CYTH1: variants seen among roughly 807,000 people sequenced by gnomAD.
The protein encoded by CYTH1 is cytohesin 1.
A neutral mutation model predicts 61.8 loss-of-function variants in CYTH1; 18 were observed. That is an observed-to-expected ratio of 0.29 (90% CI 0.20 to 0.43). The LOEUF (loss-of-function observed/expected upper bound fraction) is 0.43, where lower values mean the gene tolerates loss of function less well. CYTH1 is among the 20% of genes least tolerant of loss of function. CYTH1 has a pLI of 1.00. For missense variants in CYTH1, 336 were observed against 510.5 expected (o/e 0.66, Z 3.29); for synonymous variants, 174 against 184.3 (o/e 0.94, Z 0.45).
At chr17:78,782,064 C>T (rs1397347690) in intron 1 of CYTH1, 138 bp downstream of exon 1, 3 of 775,522 alleles carry the variant, frequency 3.9e-6, no homozygotes, top group Admixed American at 5.2e-5. Flanking sequence ...ACCGCTCGCC[C>T]GCCGGTCGCC....
At chr17:78,684,335 C>T (rs2092794966) in intron 11 of CYTH1, among the ~76,000 whole-genome samples, 1 of 152,190 alleles carries the variant, frequency 6.6e-6, no homozygotes, top group South Asian at 2.1e-4. Flanking sequence ...AACAACTAAA[C>T]GTTAAGCTGC....
At chr17:78,757,216 G>A (rs576066181) in intron 1 of CYTH1, among the ~76,000 whole-genome samples, 193 of 151,986 alleles carry the variant, frequency 1.3e-3, no homozygotes, top group African/African-American at 4.6e-3. Context: ...CCAAAGTGCT[G>A]GGATTACAGG....
rs186320110 is a variant in CYTH1, at chr17:78,771,868, G to A, written c.22+10334C>T. On this transcript the variant is annotated intron_variant, in intron 1 of 13. Transcript: ENST00000446868. Reference sequence around the variant, plus strand: ...TAACCATCTCACTACCATAAAAGCAGAAATATACAATGTCACGCTATCCTG... The same window carrying A: ...TAACCATCTCACTACCATAAAAGCAAAAATATACAATGTCACGCTATCCTG... 5.9e-5 allele frequency among the ~76,000 whole-genome samples: 9 copies of A among 152,102 alleles called. No individual in the cohort carries two copies. The East Asian group carries it at 1.7e-3, about 29-fold the overall frequency.
At chr17:78,697,899 G>C (rs1422174725) in intron 9 of CYTH1, among the ~76,000 whole-genome samples, 2 of 152,324 alleles carry the variant, frequency 1.3e-5, no homozygotes, top group African/African-American at 4.8e-5. Context: ...ACCAATTCAA[G>C]GGTAAAAATG....
intron 1 of CYTH1, among the ~76,000 whole-genome samples, chr17:78,770,649 C>A (rs899404825): frequency 2.6e-5 from 4 of 152,114 alleles, no homozygotes; most frequent in Admixed American, 1.3e-4. Context: ...GATCTCTTGA[C>A]TTTGTGATCC....
chr17:78,711,209 C>G (rs1313508101), intron 1 of CYTH1, among the ~76,000 whole-genome samples: 2 of 151,222 alleles, frequency 1.3e-5, no homozygotes, highest in Admixed American at 1.3e-4. Flanking sequence ...TTGCAGTGAG[C>G]CGAGATCCCG....
intron 1 of CYTH1, among the ~76,000 whole-genome samples, chr17:78,756,639 T>C (rs1031702215): frequency 6.6e-6 from 1 of 152,168 alleles, no homozygotes; most frequent in African/African-American, 2.4e-5. Flanking sequence ...AATCTGTCTA[T>C]TCAGAACTAA....
chr17:78,684,159 GC>G (rs904543184), intron 11 of CYTH1, among the ~76,000 whole-genome samples: 15 of 152,044 alleles, frequency 9.9e-5, no homozygotes, highest in African/African-American at 2.7e-4. Flanking sequence ...ATCCTTCCTG[GC>G]CCCCCCTCTT....
chr17:78,701,996 CCA>C lies in CYTH1; in HGVS notation c.356+124_356+125del, dbSNP rs1598850581. On this transcript the variant is annotated intron_variant, in intron 5 of 13. Coordinates refer to ENST00000446868, the MANE Select transcript of CYTH1 (RefSeq NM_004762.6). ...TCCCCAGAAAAGCCTCCCCTCAACT[CCA>C]GTGGGGCTACAGATGCTTTAAGGCA... 7.8e-5 allele frequency: 66 copies of C among 844,298 alleles called. No individual in the cohort carries two copies. The East Asian group carries it at 1.6e-3, about 20-fold the overall frequency. 52.3% of individuals were successfully genotyped at this position (844,298 alleles called of 1,614,324 possible).
chr17:78,739,863 G>C (rs2093335204), intron 1 of CYTH1, among the ~76,000 whole-genome samples: 1 of 152,214 alleles, frequency 6.6e-6, no homozygotes, highest in South Asian at 2.1e-4. Flanking sequence ...GAGTCCACGT[G>C]AGGTGTAAAA....
At chr17:78,764,325 T>C (rs1485491641) in intron 1 of CYTH1, among the ~76,000 whole-genome samples, 1 of 150,962 alleles carries the variant, frequency 6.6e-6, no homozygotes, top group East Asian at 2.0e-4. Flanking sequence ...GCCTCCTGAG[T>C]AGCTGGGACT....
intron 1 of CYTH1, among the ~76,000 whole-genome samples, chr17:78,737,451 C>T (rs920511425): frequency 4.6e-5 from 7 of 151,980 alleles, no homozygotes; most frequent in East Asian, 1.9e-4. Context: ...CATGGAAAGC[C>T]GACTACATTT....
At chr17:78,742,337 G>T (rs1325352339) in intron 1 of CYTH1, among the ~76,000 whole-genome samples, 1 of 152,234 alleles carries the variant, frequency 6.6e-6, no homozygotes, top group African/African-American at 2.4e-5. Flanking sequence ...TGAGGTGAGA[G>T]GACTGACTGA....
Position 78,724,754 on chromosome 17 carries a change from C to T in CYTH1, c.23-15022G>A, listed in dbSNP as rs77069527. Among the ~76,000 whole-genome samples, 1,007 of 152,306 alleles carry T rather than the reference C, an allele frequency of 6.6e-3. 12 individuals carry two copies. Among genetic ancestry groups the T allele is most frequent in the African/African-American group, 0.022 (928 of 41,558 alleles). On this transcript the variant is annotated intron_variant, in intron 1 of 13. Coordinates refer to ENST00000446868, the MANE Select transcript of CYTH1 (RefSeq NM_004762.6). ...TAGGAAATCAGTCATGGAAGGCACC[C>T]GCCCCTCTGCAAGCCCTGCCTCCAC...
At position 78,698,958 on chromosome 17, in the gene CYTH1, G is replaced by A. The variant is rs150354793; in HGVS notation, c.561C>T (p.Tyr187=). The A allele has an allele frequency of 2.8e-5, 45 of 1,609,802 alleles. No individual in the cohort carries two copies. The highest frequency in any genetic ancestry group is 2.2e-4 in the South Asian group (20 of 90,106). The change falls in exon 8 of 14, where the codon TAC becomes TAT. Residue 187 remains tyrosine (Y), a synonymous_variant. Coordinates refer to ENST00000446868, the MANE Select transcript of CYTH1 (RefSeq NM_004762.6). ...ACATGATGATGGCAAAGGAGAGGAC[G>A]TAACAAGTATCTAAAGATGAGAGAA... The part of the protein sequence containing the change: ...NGVFQSTDTC[Y]VLSFAIIMLN...
chr17:78,737,789 A>C lies in CYTH1; in HGVS notation c.23-28057T>G, dbSNP rs566269538. Among the ~76,000 whole-genome samples the C allele has an allele frequency of 2.6e-5, 4 of 152,218 alleles. No individual in the cohort carries two copies. In the South Asian group the frequency reaches 8.3e-4, roughly 32 times the overall value. On this transcript the variant is annotated intron_variant, in intron 1 of 13. Transcript: ENST00000446868. ...AAAAAACACCTTAATCCTATCACCA[A>C]GAGATAGCCATTGGTGACATTTTGG...
At chr17:78,748,291 G>A (rs115925876) in intron 1 of CYTH1, among the ~76,000 whole-genome samples, 2,526 of 152,308 alleles carry the variant, frequency 0.017, 68 homozygotes, top group African/African-American at 0.057. Flanking sequence ...CTGGATCACT[G>A]AGTAGTCATG....
At chr17:78,753,699 T>A (rs1281308832) in intron 1 of CYTH1, among the ~76,000 whole-genome samples, 2 of 152,124 alleles carry the variant, frequency 1.3e-5, no homozygotes, top group African/African-American at 4.8e-5. Context: ...AATAGGTGAT[T>A]TGCCATACTC....
rs1785195324 is a variant in CYTH1 at position 78,760,809 on chromosome 17, A to G, written c.22+21393T>C. Among the ~76,000 whole-genome samples the G allele has an allele frequency of 2.0e-5, 3 of 151,986 alleles. No individual in the cohort carries two copies. The South Asian group carries it at 6.2e-4, about 32-fold the overall frequency. ...TGACATCACTTCTCAAAATCAAAAT[A>G]TATCCCAGATGCTCCTCAACTTACA... On this transcript the variant is annotated intron_variant, in intron 1 of 13. Transcript: ENST00000446868.
Sources: gnomAD v4.1 joint callset for allele counts (sites outside exome capture counted in the v4.1 genomes callset) on GRCh38, gnomAD v4.1.1 for gene constraint, MANE v1.5 for transcripts, NCBI Gene and HGNC (gene_info 2026-07-23, HGNC 2026-07-21) for gene names.